Variants in GPC6 observed in about 807,000 individuals in gnomAD.
The protein encoded by GPC6 is glypican 6.
Under a neutral mutation model 55.2 loss-of-function variants are expected in GPC6, and 14 were observed. The observed-to-expected ratio is 0.25, with a 90% confidence interval of 0.17 to 0.40. The LOEUF is 0.40. Ranked by LOEUF, GPC6 falls within the 10% of genes least tolerant of loss-of-function variation. GPC6 has a pLI of 1.00. For missense variants in GPC6, 641 were observed against 708.5 expected (o/e 0.90, Z 1.08); for synonymous variants, 278 against 259.6 (o/e 1.07, Z -0.68).
In GPC6 at chr13:94,258,582, G is replaced by C. The variant is rs558692446; in HGVS notation, c.878-27767G>C. Among the ~76,000 whole-genome samples, 7 of 152,158 alleles carry C rather than the reference G, an allele frequency of 4.6e-5. No homozygotes were observed. In the East Asian group the frequency reaches 7.7e-4, roughly 17 times the overall value. ...TTCAGCATACTCTTCTTGCCTCTTC[G>C]TTTACATTATATTTCTAACTTTGTT... is the stretch of plus-strand genomic sequence containing the variant. On this transcript the variant is annotated intron_variant, in intron 4 of 8. Transcript: ENST00000377047.
chr13:93,581,989 C>T (rs906161006), intron 2 of GPC6, among the ~76,000 whole-genome samples: 4 of 152,118 alleles, frequency 2.6e-5, no homozygotes, highest in Non-Finnish European at 2.9e-5. Context: ...TAATGCTATA[C>T]TGAGATTAAA....
chr13:93,792,648 G>T (rs1186870735), intron 2 of GPC6, among the ~76,000 whole-genome samples: 1 of 152,180 alleles, frequency 6.6e-6, no homozygotes, highest in Non-Finnish European at 1.5e-5. Flanking sequence ...CACATGCTAA[G>T]GGAGAATCAG....
chr13:94,306,379 T>G (rs1875950084), intron 6 of GPC6: 1 of 518,288 alleles, frequency 1.9e-6, no homozygotes, highest in Non-Finnish European at 3.5e-6. Context: ...AACTTCTTAT[T>G]TCTCATGAAA....
At chr13:94,109,292 T>C (rs1403233824) in intron 4 of GPC6, among the ~76,000 whole-genome samples, 2 of 152,160 alleles carry the variant, frequency 1.3e-5, no homozygotes, top group Non-Finnish European at 1.5e-5. Flanking sequence ...CCAAACCTCA[T>C]TTCCCCAAGC....
chr13:94,227,334 G>A (rs1594077200), intron 4 of GPC6, among the ~76,000 whole-genome samples: 2 of 151,992 alleles, frequency 1.3e-5, no homozygotes, highest in South Asian at 2.1e-4. Context: ...CTTACTTCAC[G>A]TGAAGGAAAA....
rs1019338379 is a variant in GPC6, at chr13:93,638,410, A to G, written c.319+92989A>G. Among the ~76,000 whole-genome samples the G allele has an allele frequency of 2.6e-5, 4 of 152,132 alleles. 1 individual carries two copies. Among genetic ancestry groups the G allele is most frequent in the African/African-American group, 4.8e-5 (2 of 41,454 alleles). ...CAGAATCCTAAATGTTGACCAAAGC[A>G]AAAATTTATCAATATGAGTTTGTTA... On this transcript the variant is annotated intron_variant, in intron 2 of 8. Coordinates refer to ENST00000377047, the MANE Select transcript of GPC6 (RefSeq NM_005708.5).
chr13:93,402,996 C>T (rs965106313), intron 1 of GPC6, among the ~76,000 whole-genome samples: 24 of 151,996 alleles, frequency 1.6e-4, no homozygotes, highest in Non-Finnish European at 3.2e-4. Flanking sequence ...AGGAAAAATA[C>T]ACATTTATAA....
At chr13:94,080,490 G>A (rs1178473845) in intron 4 of GPC6, among the ~76,000 whole-genome samples, 1 of 152,064 alleles carries the variant, frequency 6.6e-6, no homozygotes, top group Non-Finnish European at 1.5e-5. Context: ...AAATACCAGT[G>A]GCAATAGGAA....
intron 5 of GPC6, among the ~76,000 whole-genome samples, chr13:94,305,628 A>G (rs1875904109): frequency 6.6e-6 from 1 of 152,158 alleles, no homozygotes; most frequent in Non-Finnish European, 1.5e-5. Flanking sequence ...CATGACTCAG[A>G]TTTTTTGGCA....
At chr13:94,334,113 A>G (rs772094683) in intron 6 of GPC6, among the ~76,000 whole-genome samples, 23 of 152,160 alleles carry the variant, frequency 1.5e-4, no homozygotes, top group Non-Finnish European at 2.8e-4. Flanking sequence ...AGTTCCCTCT[A>G]TATTGTTTTA....
intron 2 of GPC6, among the ~76,000 whole-genome samples, chr13:93,780,390 C>G (rs1885601667): frequency 6.6e-6 from 1 of 152,086 alleles, no homozygotes; most frequent in Non-Finnish European, 1.5e-5. Flanking sequence ...GCTTAGCCAT[C>G]ATTGTGGATT....
chr13:94,214,094 A>G (rs1053457620), intron 4 of GPC6, among the ~76,000 whole-genome samples: 1 of 152,370 alleles, frequency 6.6e-6, no homozygotes, highest in East Asian at 1.9e-4. Context: ...GACTGAAGTT[A>G]TCTAACTGTG....
chr13:93,261,665 C>T (rs1594058404), intron 1 of GPC6, among the ~76,000 whole-genome samples: 1 of 152,208 alleles, frequency 6.6e-6, no homozygotes, highest in Non-Finnish European at 1.5e-5. Flanking sequence ...AGTGTGGTTG[C>T]TGTTTGAAGA....
chr13:94,123,278 A>G (rs1343728177), intron 4 of GPC6, among the ~76,000 whole-genome samples: 2 of 152,210 alleles, frequency 1.3e-5, no homozygotes, highest in African/African-American at 4.8e-5. Flanking sequence ...TGAGCTATAA[A>G]ATGTAGAGCC....
chr13:94,288,775 T>A (rs1874697110), intron 5 of GPC6, among the ~76,000 whole-genome samples: 1 of 98,788 alleles, frequency 1.0e-5, no homozygotes, highest in African/African-American at 4.6e-5. Context: ...ATATATATAT[T>A]TGTTATATAT....
intron 4 of GPC6, among the ~76,000 whole-genome samples, chr13:94,067,461 CCT>C (rs1884556780): frequency 6.7e-6 from 1 of 149,258 alleles, no homozygotes; most frequent in Non-Finnish European, 1.5e-5. Context: ...GAAACATAGG[CCT>C]CTCTCTGTCT....
At chr13:93,641,827 T>C (rs537709365) in intron 2 of GPC6, among the ~76,000 whole-genome samples, 1 of 152,100 alleles carries the variant, frequency 6.6e-6, no homozygotes, top group Non-Finnish European at 1.5e-5. Context: ...GTTTAATAAA[T>C]AGGTGACACA....
At chr13:93,840,637 G>A (rs1043890991) in intron 3 of GPC6, among the ~76,000 whole-genome samples, 7 of 151,976 alleles carry the variant, frequency 4.6e-5, no homozygotes, top group Non-Finnish European at 1.0e-4. Flanking sequence ...TTTCCCAGGG[G>A]TATATTCTGG....
intron 4 of GPC6, among the ~76,000 whole-genome samples, chr13:94,173,177 C>T (rs1226651832): frequency 3.9e-5 from 6 of 152,108 alleles, no homozygotes; most frequent in Non-Finnish European, 8.8e-5. Context: ...ACTGTTGAAG[C>T]TCATGGAAAC....
Sources: gnomAD v4.1 joint callset for allele counts (sites outside exome capture counted in the v4.1 genomes callset) on GRCh38, gnomAD v4.1.1 for gene constraint, MANE v1.5 for transcripts, NCBI Gene and HGNC (gene_info 2026-07-23, HGNC 2026-07-21) for gene names.